Variants in ANKDD1B observed in about 807,000 individuals in gnomAD.
ANKDD1B encodes ankyrin repeat and death domain containing 1B, also known as ankyrin repeat and death domain-containing protein 1B.
A neutral mutation model predicts 59.7 loss-of-function variants in ANKDD1B; 57 were observed. That is an observed-to-expected ratio of 0.95 (90% CI 0.77 to 1.19). ANKDD1B has a LOEUF of 1.19. Among genes scored for constraint, ANKDD1B ranks in the 50% most tolerant of loss-of-function variants. ANKDD1B has a pLI of 0.00. For missense variants in ANKDD1B, 602 were observed against 641.9 expected, an observed-to-expected ratio of 0.94 and a Z score of 0.67; for synonymous variants, 216 against 239.5, an observed-to-expected ratio of 0.90 and a Z score of 0.91.
chr5:75,636,247 T>C (rs16872677), intron 7 of ANKDD1B, among the ~76,000 whole-genome samples: 13,614 of 152,250 alleles, frequency 0.089, 1,466 homozygotes, highest in African/African-American at 0.26. Flanking sequence ...AAGATGTTTT[T>C]CAGAAATTAC....
At chr5:75,621,843 C>G (rs1773855886) in intron 3 of ANKDD1B, among the ~76,000 whole-genome samples, 1 of 152,126 alleles carries the variant, frequency 6.6e-6, no homozygotes, top group Non-Finnish European at 1.5e-5. Flanking sequence ...TTTGTATTAC[C>G]TTGTCTCTGA....
chr5:75,671,133 A>G lies in ANKDD1B; in HGVS notation c.*93A>G. On this transcript the variant is annotated 3_prime_UTR_variant, in exon 14 of 14. Transcript: ENST00000601380. ...CTTCTAGCAGTAGCACTGATTTTCA[A>G]CTATGATGATGGTGGTGACAGGGAA... The G allele has an allele frequency of 8.2e-6, 4 of 487,994 alleles. No homozygotes were observed. The highest frequency in any genetic ancestry group is 6.5e-6 in the Non-Finnish European group (2 of 309,412). The allele number at this position is 487,994 out of a possible 1,614,324, so 30.2% of individuals were successfully genotyped here.
intron 13 of ANKDD1B, among the ~76,000 whole-genome samples, chr5:75,670,047 C>A (rs893362953): frequency 6.6e-6 from 1 of 152,074 alleles, no homozygotes; most frequent in South Asian, 2.1e-4. Flanking sequence ...GAGTGAACAC[C>A]GACTGATCCA....
At chr5:75,648,879 T>C (rs890513177) in intron 7 of ANKDD1B, among the ~76,000 whole-genome samples, 4 of 152,178 alleles carry the variant, frequency 2.6e-5, no homozygotes, top group Non-Finnish European at 5.9e-5. Flanking sequence ...TGACACTGAG[T>C]CTTGGTTTCC....
At chr5:75,615,318 C>A (rs577802761) in intron 1 of ANKDD1B, among the ~76,000 whole-genome samples, 49 of 152,178 alleles carry the variant, frequency 3.2e-4, no homozygotes, top group African/African-American at 1.1e-3. Flanking sequence ...AAGGTCAGAT[C>A]TGGGGAAGAT....
chr5:75,635,617 T>A (rs183712450), intron 6 of ANKDD1B, 167 bp from the exon 7 acceptor site: 5 of 410,930 alleles, frequency 1.2e-5, no homozygotes, highest in Non-Finnish European at 2.1e-5. Context: ...ATTTAAAACT[T>A]AAAAATGTAT....
intron 7 of ANKDD1B, among the ~76,000 whole-genome samples, chr5:75,642,429 A>G (rs1247026827): frequency 7.3e-6 from 1 of 137,770 alleles, no homozygotes; most frequent in Non-Finnish European, 1.5e-5. Context: ...GCATTGCCTC[A>G]CCTGGGAAGC....
At chr5:75,625,008 ATAG>A (rs1773953217) in intron 3 of ANKDD1B, among the ~76,000 whole-genome samples, 1 of 152,168 alleles carries the variant, frequency 6.6e-6, no homozygotes, top group Non-Finnish European at 1.5e-5. Context: ...TCCTATGTTG[ATAG>A]GCTTTTATCT....
intron 7 of ANKDD1B, among the ~76,000 whole-genome samples, chr5:75,648,908 TC>T (rs1454371576): frequency 6.6e-6 from 1 of 152,144 alleles, no homozygotes; most frequent in African/African-American, 2.4e-5. Context: ...GCTTTTGTGC[TC>T]CCTCCCACCT....
chr5:75,653,948 C>G (rs1460296581), intron 8 of ANKDD1B, among the ~76,000 whole-genome samples: 3 of 152,214 alleles, frequency 2.0e-5, no homozygotes, highest in African/African-American at 4.8e-5. Context: ...GGAGCTGGGC[C>G]CCTGCAAGGT....
intron 12 of ANKDD1B, among the ~76,000 whole-genome samples, chr5:75,668,495 A>G (rs1206778341): frequency 6.6e-6 from 1 of 152,168 alleles, no homozygotes; most frequent in Non-Finnish European, 1.5e-5. Context: ...TCTCCCTGAA[A>G]TGCCCGCTTC....
At position 75,634,949 on chromosome 5, in the gene ANKDD1B, A is replaced by G. The variant is rs1186449391; in HGVS notation, c.652A>G (p.Ile218Val). The G allele has an allele frequency of 2.0e-6, 3 of 1,535,852 alleles. No homozygotes were observed. In the African/African-American group the frequency reaches 4.1e-5, roughly 21 times the overall value. ...AGCTGAGAGGGGCCATGTTGAAATG[A>G]TAGAAAAACTTACCTTCCTAAACCT... ...LAAERGHVEM[I>V]EKLTFLNLHT... Residue 218 changes from isoleucine (I) to valine (V), a missense_variant, in exon 6 of 14, where the codon ATA (isoleucine) becomes GTA (valine). Around this residue, in one of 3 missense-constraint regions of ANKDD1B, gnomAD observed 317 missense variants for 304.6 expected, o/e 1.04. Coordinates refer to ENST00000601380, the MANE Select transcript of ANKDD1B (RefSeq NM_001276713.2).
intron 5 of ANKDD1B, among the ~76,000 whole-genome samples, chr5:75,632,869 G>T (rs1026802527): frequency 6.6e-6 from 1 of 152,070 alleles, no homozygotes; most frequent in Admixed American, 6.6e-5. Flanking sequence ...TTCTCATCTT[G>T]GTCACTCTAT....
intron 2 of ANKDD1B, among the ~76,000 whole-genome samples, chr5:75,618,440 A>G (rs1414730182): frequency 6.6e-6 from 1 of 152,210 alleles, no homozygotes; most frequent in African/African-American, 2.4e-5. Context: ...ACAATCTGAT[A>G]TACTTTAACT....
chr5:75,629,397 C>T (rs1318315743), intron 5 of ANKDD1B, among the ~76,000 whole-genome samples: 8 of 152,032 alleles, frequency 5.3e-5, no homozygotes, highest in Non-Finnish European at 1.2e-4. Flanking sequence ...GCACTGGAGG[C>T]CCACCAGCGC....
At chr5:75,636,467 G>A (rs1774307661) in intron 7 of ANKDD1B, among the ~76,000 whole-genome samples, 1 of 152,220 alleles carries the variant, frequency 6.6e-6, no homozygotes, top group Non-Finnish European at 1.5e-5. Flanking sequence ...TGGAAGCTTA[G>A]TGGGCCAAGG....
chr5:75,664,760 A>G (rs1775262778), intron 11 of ANKDD1B, among the ~76,000 whole-genome samples: 1 of 152,232 alleles, frequency 6.6e-6, no homozygotes, highest in Non-Finnish European at 1.5e-5. Flanking sequence ...TCTTTAAGAC[A>G]TAAGAGTTAG....
chr5:75,630,151 G>C (rs1337017612), intron 5 of ANKDD1B, among the ~76,000 whole-genome samples: 1 of 152,082 alleles, frequency 6.6e-6, no homozygotes, highest in African/African-American at 2.4e-5. Flanking sequence ...CTATGAGACT[G>C]CCCTGGATAG....
chr5:75,649,872 C>CAATT (rs996149392), intron 7 of ANKDD1B, among the ~76,000 whole-genome samples: 8 of 152,354 alleles, frequency 5.3e-5, no homozygotes, highest in Admixed American at 4.6e-4. Context: ...ATCTATGGAT[C>CAATT]AATTGATTGT....
Sources: allele counts gnomAD v4.1 joint callset (sites outside exome capture counted in the v4.1 genomes callset), GRCh38; gene constraint gnomAD v4.1.1; regional missense constraint gnomAD v4.1.1; transcripts MANE v1.5; gene names NCBI Gene and HGNC (gene_info 2026-07-23, HGNC 2026-07-21).